Variants in ARPC3 observed in about 807,000 individuals in gnomAD.
ARPC3 encodes actin related protein 2/3 complex subunit 3.
In ARPC3, 12 loss-of-function variants were observed where a neutral mutation model predicts 27.6. That is an observed-to-expected ratio of 0.43 (90% CI 0.28 to 0.70). The LOEUF is 0.70. Among genes scored for constraint, ARPC3 ranks in the 30% least tolerant of loss-of-function variants. ARPC3 has a pLI of 0.17. For missense variants in ARPC3, 153 were observed against 207.7 expected, an observed-to-expected ratio of 0.74 and a Z score of 1.62; for synonymous variants, 53 against 67.2, an observed-to-expected ratio of 0.79 and a Z score of 1.03.
intron 1 of ARPC3, among the ~76,000 whole-genome samples, chr12:110,447,722 G>A (rs1398040316): frequency 1.3e-5 from 2 of 151,904 alleles, no homozygotes; most frequent in Admixed American, 6.6e-5. Context: ...GCAGTGAGCC[G>A]AGATGGCACC....
rs190593351 is a variant in ARPC3, at chr12:110,437,524, C to T, written c.184-372G>A. Among the ~76,000 whole-genome samples the T allele has an allele frequency of 3.5e-4, 54 of 152,196 alleles. 1 individual carries two copies. Among genetic ancestry groups the T allele is most frequent in the Admixed American group, 2.8e-3 (42 of 15,266 alleles). ...CTGGGATTACAGGTGCCCGCCACCA[C>T]GCCTGGCTAATTTTTCTATTTTTAG... is the stretch of plus-strand genomic sequence containing the variant. On this transcript the variant is annotated intron_variant, in intron 3 of 6. Coordinates refer to ENST00000228825, the MANE Select transcript of ARPC3 (RefSeq NM_001278556.2).
rs2062395996 is a variant in ARPC3, at chr12:110,435,213, C to T, written c.479G>A (p.Trp160Ter). The T allele has an allele frequency of 1.2e-6, 2 of 1,613,048 alleles. No individual in the cohort carries two copies. Among genetic ancestry groups the T allele is most frequent in the Non-Finnish European group, 1.7e-6 (2 of 1,179,154 alleles). Residue 160 changes from tryptophan (W) to a stop codon, truncating the protein, a stop_gained, in exon 7 of 7, where the codon TGG (tryptophan) becomes TAG (stop). Coordinates refer to ENST00000228825, the MANE Select transcript of ARPC3 (RefSeq NM_001278556.2). LOFTEE classifies it high-confidence loss of function. The stretch of plus-strand genomic sequence containing the variant: ...GAACTGTCTCTTCACAAAGCAAGTC[C>T]ACCACTAACAAGAGAGAACAACACA... Reference protein sequence around the residue: ...DPQNDKPSKWWTCFVKRQFMN... With the variant: ...DPQNDKPSKW
chr12:110,441,847 A>G (rs61942595), intron 2 of ARPC3, among the ~76,000 whole-genome samples: 4,032 of 151,908 alleles, frequency 0.027, 93 homozygotes, highest in Non-Finnish European at 0.039. Context: ...CCTGGCCAAC[A>G]TGGTGAAACT....
chr12:110,437,516 C>T (rs537733939), intron 3 of ARPC3, among the ~76,000 whole-genome samples: 9 of 152,162 alleles, frequency 5.9e-5, no homozygotes, highest in African/African-American at 9.6e-5. Context: ...TACAGGTGCC[C>T]GCCACCACGC....
At chr12:110,438,464 T>C (rs1264539125) in intron 3 of ARPC3, among the ~76,000 whole-genome samples, 6 of 149,804 alleles carry the variant, frequency 4.0e-5, no homozygotes, top group Middle Eastern at 6.8e-3. Context: ...CTTGGCGTGG[T>C]GGCGCGTGCC....
intron 1 of ARPC3, among the ~76,000 whole-genome samples, chr12:110,449,280 A>G (rs2062485341): frequency 6.6e-6 from 1 of 151,982 alleles, no homozygotes; most frequent in East Asian, 1.9e-4. Context: ...ATGTGTGAGC[A>G]GGCTGGGCGC....
intron 2 of ARPC3, chr12:110,443,125 T>C (rs1256010309): frequency 6.7e-6 from 1 of 148,916 alleles, no homozygotes; most frequent in Non-Finnish European, 1.5e-5. Context: ...GCAATTTACT[T>C]TTTTTTTTTT....
intron 1 of ARPC3, among the ~76,000 whole-genome samples, chr12:110,449,768 T>C (rs531193483): frequency 1.3e-5 from 2 of 151,560 alleles, no homozygotes; most frequent in South Asian, 4.2e-4. Flanking sequence ...GCCGAACGAG[T>C]CTGTGAGGGC....
intron 2 of ARPC3, among the ~76,000 whole-genome samples, chr12:110,440,693 C>A (rs551018346): frequency 2.7e-5 from 4 of 150,226 alleles, no homozygotes; most frequent in Non-Finnish European, 3.0e-5. Context: ...GCTACAGGCA[C>A]CTGCCACCAC....
intron 5 of ARPC3, 158 bp downstream of exon 5, chr12:110,436,399 C>T: frequency 7.4e-7 from 1 of 1,347,768 alleles, no homozygotes; most frequent in Non-Finnish European, 1.0e-6. Flanking sequence ...TCCTTGTTGC[C>T]AAGAATCGTT....
In ARPC3 at chr12:110,445,544, T is replaced by A. The variant is rs150402076; in HGVS notation, c.14A>T (p.His5Leu). The change falls in exon 2 of 7, where the codon CAC becomes CTC. Residue 5 changes from histidine to leucine, a missense_variant. His to Leu is a moderately conservative substitution (Grantham distance 99, BLOSUM62 -3). Coordinates refer to ENST00000228825, the MANE Select transcript of ARPC3 (RefSeq NM_001278556.2). Reference protein sequence around the residue: MPAYHSSLMDPDTKL... With the variant: MPAYLSSLMDPDTKL... ...GGTATCAGGATCCATGAGAGAAGAG[T>A]GGTAAGCCTGTAATGGCAAGCCCAG... 67 of 1,610,126 alleles carry A rather than the reference T, an allele frequency of 4.2e-5. No individual in the cohort carries two copies. The highest frequency in any genetic ancestry group is 5.7e-5 in the Non-Finnish European group (67 of 1,176,774).
chr12:110,436,375 T>C (rs570345755), intron 5 of ARPC3, 171 bp from the exon 6 acceptor site: 1 of 1,206,914 alleles, frequency 8.3e-7, no homozygotes, highest in African/African-American at 1.5e-5. Flanking sequence ...GTTCAAAAGA[T>C]TTTCTGCATG....
chr12:110,445,439 G>A lies in ARPC3; in HGVS notation c.106+13C>T. The A allele has an allele frequency of 1.9e-6, 3 of 1,577,750 alleles. No homozygotes were observed. The highest frequency in any genetic ancestry group is 2.6e-6 in the Non-Finnish European group (3 of 1,147,010). On this transcript the variant is annotated intron_variant, in intron 2 of 6. Transcript: ENST00000228825. Reference sequence around the variant, plus strand: ...TTCGTACCAAAATTTGAAAATAATGGGTTTAGACTTACTCTCTCTGGGGGC... The same window carrying A: ...TTCGTACCAAAATTTGAAAATAATGAGTTTAGACTTACTCTCTCTGGGGGC...
At chr12:110,437,184 T>A (rs750744475) in intron 3 of ARPC3, 32 bp from the exon 4 acceptor site, 5 of 1,393,910 alleles carry the variant, frequency 3.6e-6, no homozygotes, top group African/African-American at 1.4e-5. Context: ...TTAAAAACAG[T>A]TATCAAAACA....
rs2062411083 is a variant in ARPC3 at position 110,437,170 on chromosome 12, A to C, written c.184-18T>G. On this transcript the variant is annotated intron_variant, in intron 3 of 6. Transcript: ENST00000228825. The stretch of plus-strand genomic sequence containing the variant: ...GCTTCATTCTACAGGGAGAAAAAGA[A>C]GACTTAAAAACAGTTATCAAAACAT... The C allele has an allele frequency of 6.6e-7, 1 of 1,508,678 alleles. No homozygotes were observed. Among genetic ancestry groups the C allele is most frequent in the African/African-American group, 1.4e-5 (1 of 72,754 alleles). The allele number at this position is 1,508,678 out of a possible 1,614,324, so 93.5% of individuals were successfully genotyped here.
At chr12:110,447,559 G>C (rs2062472080) in intron 1 of ARPC3, among the ~76,000 whole-genome samples, 1 of 152,182 alleles carries the variant, frequency 6.6e-6, no homozygotes, top group Non-Finnish European at 1.5e-5. Context: ...CAGATCACAA[G>C]GCCAGAAGAT....
At chr12:110,446,967 G>T (rs1001418222) in intron 1 of ARPC3, among the ~76,000 whole-genome samples, 1 of 152,090 alleles carries the variant, frequency 6.6e-6, no homozygotes, top group African/African-American at 2.4e-5. Context: ...TTATTATTAC[G>T]AAATACTAAA....
At chr12:110,437,423 A>T in intron 3 of ARPC3, 1 of 379,058 alleles carries the variant, frequency 2.6e-6, no homozygotes. Flanking sequence ...GCTGGAGTGC[A>T]GTGGCACAAT....
At chr12:110,436,921 G>C in intron 4 of ARPC3, 163 bp downstream of exon 4, 2 of 697,282 alleles carry the variant, frequency 2.9e-6, no homozygotes, top group Non-Finnish European at 5.1e-6. Context: ...TATACTACAA[G>C]TTCAGGTAAC....
Sources: allele counts gnomAD v4.1 joint callset (sites outside exome capture counted in the v4.1 genomes callset), GRCh38; gene constraint gnomAD v4.1.1; transcripts MANE v1.5; gene names NCBI Gene and HGNC (gene_info 2026-07-23, HGNC 2026-07-21).